The following SCIN variants were observed in gnomAD, a reference collection of about 807,000 sequenced individuals.
SCIN encodes adseverin.
SCIN carries 91 observed loss-of-function variants against 91.8 expected under a neutral mutation model. That is an observed-to-expected ratio of 0.99 (90% CI 0.84 to 1.18). SCIN has a LOEUF of 1.18. Ranked by LOEUF, SCIN falls within the 50% of genes most tolerant of loss-of-function variation. The probability of loss-of-function intolerance (pLI) is 0.00; values close to 1 mark genes in which losing one functional copy is unlikely to be tolerated. For missense variants in SCIN, 1,087 were observed against 863.9 expected (o/e 1.26, Z -3.24); for synonymous variants, 367 against 312.6 (o/e 1.17, Z -1.84).
At chr7:12,574,675 G>A (rs1384632174) in intron 1 of SCIN, among the ~76,000 whole-genome samples, 1 of 152,002 alleles carries the variant, frequency 6.6e-6, no homozygotes, top group Non-Finnish European at 1.5e-5. Flanking sequence ...GCCACTACTG[G>A]GGGAAATTGG....
chr7:12,629,347 C>T, intron 9 of SCIN, 125 bp downstream of exon 9: 1 of 860,414 alleles, frequency 1.2e-6, no homozygotes, highest in East Asian at 2.9e-5. Context: ...GTATAGCATG[C>T]ATATAGTATT....
At chr7:12,594,745 G>A (rs1020779177) in intron 3 of SCIN, among the ~76,000 whole-genome samples, 2 of 152,096 alleles carry the variant, frequency 1.3e-5, no homozygotes, top group Admixed American at 6.6e-5. Context: ...AGAGGGCGGC[G>A]CCTGTCTTGC....
chr7:12,608,683 T>G (rs2115255422), intron 4 of SCIN, among the ~76,000 whole-genome samples: 1 of 152,236 alleles, frequency 6.6e-6, no homozygotes, highest in African/African-American at 2.4e-5. Flanking sequence ...TTCACTCTGT[T>G]GGCCAGGCTG....
At chr7:12,623,031 G>T in intron 5 of SCIN, 138 bp downstream of exon 5, 3 of 519,626 alleles carry the variant, frequency 5.8e-6, no homozygotes, top group Non-Finnish European at 6.8e-6. Context: ...GATAGAATCA[G>T]TTCTTTGCTC....
intron 3 of SCIN, among the ~76,000 whole-genome samples, chr7:12,591,444 G>A (rs1273136766): frequency 6.6e-6 from 1 of 152,126 alleles, no homozygotes; most frequent in Admixed American, 6.5e-5. Context: ...TTATCTAGTT[G>A]TTTAGAGAGG....
chr7:12,648,873 A>C (rs1345703549), intron 13 of SCIN, among the ~76,000 whole-genome samples: 2 of 152,328 alleles, frequency 1.3e-5, no homozygotes, highest in East Asian at 3.9e-4. Context: ...CGCTGACTCC[A>C]AATGAATGGG....
intron 4 of SCIN, among the ~76,000 whole-genome samples, chr7:12,620,370 C>T (rs1783382700): frequency 6.6e-6 from 1 of 152,006 alleles, no homozygotes; most frequent in African/African-American, 2.4e-5. Context: ...TTTTTCAGCC[C>T]CTGGCAATCA....
Position 12,604,666 on chromosome 7 carries a change from A to C in SCIN, c.666+3A>C. 1.9e-6 allele frequency: 3 copies of C among 1,551,410 alleles called. No homozygotes were observed. In the East Asian group the frequency reaches 7.3e-5, roughly 38 times the overall value. ...GTGAACCCTCAGAACTTATAAAGGT[A>C]TTGTGACTCCTGTTGTTTGTTAAAG... On this transcript the variant is annotated splice_donor_region_variant and intron_variant, in intron 4 of 15. Coordinates refer to ENST00000297029, the MANE Select transcript of SCIN (RefSeq NM_001112706.3).
chr7:12,608,335 A>G (rs1008484092), intron 4 of SCIN, among the ~76,000 whole-genome samples: 6 of 151,886 alleles, frequency 4.0e-5, no homozygotes, highest in African/African-American at 7.3e-5. Context: ...ACACACACAC[A>G]CACACACACA....
At chr7:12,633,605 A>G (rs1278618799) in intron 9 of SCIN, among the ~76,000 whole-genome samples, 2 of 152,194 alleles carry the variant, frequency 1.3e-5, no homozygotes, top group African/African-American at 4.8e-5. Flanking sequence ...AAATACTCCA[A>G]AAAAATAAAA....
At chr7:12,577,107 G>A (rs1782388649) in intron 1 of SCIN, among the ~76,000 whole-genome samples, 1 of 152,098 alleles carries the variant, frequency 6.6e-6, no homozygotes, top group African/African-American at 2.4e-5. Context: ...AAAATTAAAT[G>A]TATGTTGTAT....
intron 3 of SCIN, among the ~76,000 whole-genome samples, chr7:12,600,409 C>T (rs745456784): frequency 3.3e-5 from 5 of 152,172 alleles, no homozygotes; most frequent in South Asian, 4.1e-4. Context: ...GTAAACTGCT[C>T]GGGTGATGGG....
At chr7:12,650,939 T>C (rs551381439) in intron 14 of SCIN, among the ~76,000 whole-genome samples, 95 of 152,232 alleles carry the variant, frequency 6.2e-4, no homozygotes, top group Non-Finnish European at 1.2e-3. Flanking sequence ...GATCCACCTC[T>C]AGGAAATGGG....
intron 3 of SCIN, among the ~76,000 whole-genome samples, chr7:12,600,334 C>T (rs1782932715): frequency 6.6e-6 from 1 of 152,078 alleles, no homozygotes; most frequent in Admixed American, 6.6e-5. Flanking sequence ...AATACATTGA[C>T]ATTGGGGACT....
intron 5 of SCIN, 42 bp downstream of exon 5, chr7:12,622,935 G>C (rs1238344231): frequency 2.1e-6 from 3 of 1,448,298 alleles, no homozygotes; most frequent in South Asian, 2.3e-5. Flanking sequence ...AACAGTACTG[G>C]ATGTAGCTAG....
At chr7:12,594,572 A>T (rs1782797655) in intron 3 of SCIN, among the ~76,000 whole-genome samples, 1 of 152,172 alleles carries the variant, frequency 6.6e-6, no homozygotes, top group South Asian at 2.1e-4. Flanking sequence ...GCAGTAAAAG[A>T]TAAGCCTCTT....
chr7:12,570,761 C>T lies in SCIN; in HGVS notation c.-26C>T. Reference sequence around the variant, plus strand: ...GTCCAAGATCAGCGATATCACGCGTCCCCCGGAGCATCGCGTGCAGGAGCC... The same window carrying T: ...GTCCAAGATCAGCGATATCACGCGTTCCCCGGAGCATCGCGTGCAGGAGCC... On this transcript the variant is annotated 5_prime_UTR_variant, in exon 1 of 16. Transcript: ENST00000297029. The T allele has an allele frequency of 6.5e-7, 1 of 1,544,968 alleles. No individual in the cohort carries two copies. The highest frequency in any genetic ancestry group is 8.7e-7 in the Non-Finnish European group (1 of 1,143,572).
chr7:12,603,156 T>C (rs1782992933), intron 3 of SCIN, among the ~76,000 whole-genome samples: 1 of 152,172 alleles, frequency 6.6e-6, no homozygotes, highest in South Asian at 2.1e-4. Context: ...ATTTAATTTT[T>C]TTTTTTGAGA....
rs1784223586 is a variant in SCIN at position 12,659,417 on chromosome 7, C to G, written c.*6702C>G. 1 of 152,174 alleles carries G rather than the reference C, an allele frequency of 6.6e-6. No individual in the cohort carries two copies. Among genetic ancestry groups the G allele is most frequent in the Admixed American group, 6.5e-5 (1 of 15,274 alleles). The allele number at this position is 152,174 out of a possible 1,614,324, so 9.4% of individuals were successfully genotyped here. On this transcript the variant is annotated 3_prime_UTR_variant, in exon 16 of 16. Transcript: ENST00000297029. Reference sequence around the variant, plus strand: ...CCAGAAATCAGGTAGCTAGATTTGTCCATGAAAGCAGGAGATTCCCTTAAC... The same window carrying G: ...CCAGAAATCAGGTAGCTAGATTTGTGCATGAAAGCAGGAGATTCCCTTAAC...
Sources: allele counts gnomAD v4.1 joint callset (sites outside exome capture counted in the v4.1 genomes callset), GRCh38; gene constraint gnomAD v4.1.1; transcripts MANE v1.5; gene names NCBI Gene and HGNC (gene_info 2026-07-23, HGNC 2026-07-21).